Variants in TRHDE observed in about 807,000 individuals in gnomAD.
The protein encoded by TRHDE is thyrotropin releasing hormone degrading enzyme.
A neutral mutation model predicts 125.7 loss-of-function variants in TRHDE; 72 were observed. The ratio of observed to expected loss-of-function variants is 0.57; its 90% confidence interval spans 0.47 to 0.70. The LOEUF (loss-of-function observed/expected upper bound fraction) is 0.70. TRHDE is among the 30% of genes least tolerant of loss of function. The pLI is 0.00. For synonymous variants in TRHDE, 509 were observed against 509.1 expected, an observed-to-expected ratio of 1.00 and a Z score of 0.00; for missense variants, 1,110 against 1,327.1, an observed-to-expected ratio of 0.84 and a Z score of 2.54.
intron 2 of TRHDE, among the ~76,000 whole-genome samples, chr12:72,216,955 T>G (rs1427561144): frequency 1.6e-5 from 2 of 128,326 alleles, no homozygotes; most frequent in African/African-American, 6.0e-5. Flanking sequence ...GAATGGATTT[T>G]AAGGTAATGC....
chr12:72,411,628 A>C (rs1276906988), intron 3 of TRHDE, among the ~76,000 whole-genome samples: 2 of 152,162 alleles, frequency 1.3e-5, no homozygotes, highest in Non-Finnish European at 2.9e-5. Flanking sequence ...TCTTTTGTTC[A>C]ATTCAACAAG....
rs1875227018 is a variant in TRHDE, at chr12:72,670,743, A to T, written c.*7548A>T. 1 of 151,776 alleles carries T rather than the reference A, an allele frequency of 6.6e-6. No individual in the cohort carries two copies. The highest frequency in any genetic ancestry group is 6.6e-5 in the Admixed American group (1 of 15,182). The allele number at this position is 151,776 out of a possible 1,614,324, so 9.4% of individuals were successfully genotyped here. A position where few individuals can be genotyped will look rare whatever the true frequency, so the allele number is the denominator to read the frequency against. On this transcript the variant is annotated 3_prime_UTR_variant, in exon 19 of 19. Transcript: ENST00000261180. The stretch of plus-strand genomic sequence containing the variant: ...TTTCTAATTATATGCCTTTAGAATA[A>T]ATGAAATGATCTGCACTTTGGTAAA...
chr12:72,485,323 G>A (rs1877351852), intron 5 of TRHDE, among the ~76,000 whole-genome samples: 2 of 152,140 alleles, frequency 1.3e-5, no homozygotes, highest in African/African-American at 4.8e-5. Context: ...AGACTTTGCT[G>A]CCCCTGCAAT....
chr12:72,346,357 C>T (rs1249563433), intron 2 of TRHDE, among the ~76,000 whole-genome samples: 3 of 152,012 alleles, frequency 2.0e-5, no homozygotes, highest in Admixed American at 6.6e-5. Flanking sequence ...TGCAAGCTGT[C>T]CCTCACAAAA....
chr12:72,126,121 A>C (rs1875707454), intron 2 of TRHDE, among the ~76,000 whole-genome samples: 1 of 152,202 alleles, frequency 6.6e-6, no homozygotes, highest in Non-Finnish European at 1.5e-5. Context: ...GCATAGCCGC[A>C]CACACAAAAA....
intron 2 of TRHDE, among the ~76,000 whole-genome samples, chr12:72,228,265 T>C (rs1025783580): frequency 6.6e-6 from 1 of 152,200 alleles, no homozygotes; most frequent in African/African-American, 2.4e-5. Flanking sequence ...GAAATCTAGG[T>C]GGAGGTTCCC....
At chr12:72,462,869 A>G (rs1371739152) in intron 3 of TRHDE, among the ~76,000 whole-genome samples, 2 of 152,146 alleles carry the variant, frequency 1.3e-5, no homozygotes, top group African/African-American at 4.8e-5. Context: ...AACCTGGAAC[A>G]TGAGCTTGGA....
At position 72,273,761 on chromosome 12, in the gene TRHDE, C is replaced by G. The variant is rs894682708; in HGVS notation, c.914+204C>G. 3 of 560,862 alleles carry G rather than the reference C, an allele frequency of 5.3e-6. No individual in the cohort carries two copies. Among genetic ancestry groups the G allele is most frequent in the Non-Finnish European group, 9.5e-6 (3 of 315,366 alleles). 34.7% of individuals were successfully genotyped at this position (560,862 alleles called of 1,614,324 possible). A position where few individuals can be genotyped will look rare whatever the true frequency, so the allele number is the denominator to read the frequency against. ...GTCTCGCTGCCGCCAACTTCGCAAACTGACTCACCGGTGCCAAAAGATGAA... is the reference window on the plus strand; with the variant it reads ...GTCTCGCTGCCGCCAACTTCGCAAAGTGACTCACCGGTGCCAAAAGATGAA... On this transcript the variant is annotated intron_variant, in intron 1 of 18. Coordinates refer to ENST00000261180, the MANE Select transcript of TRHDE (RefSeq NM_013381.3). This position sits in a 1 kb window ranked among gnomAD's most constrained non-coding sequence, Gnocchi z 5.3.
intron 12 of TRHDE, among the ~76,000 whole-genome samples, chr12:72,585,498 T>C (rs939189485): frequency 2.0e-5 from 3 of 152,256 alleles, no homozygotes; most frequent in Admixed American, 2.0e-4. Flanking sequence ...ACCATATTCA[T>C]TGATCTTCTG....
chr12:72,154,858 G>C (rs1270324722), intron 2 of TRHDE, among the ~76,000 whole-genome samples: 4 of 152,242 alleles, frequency 2.6e-5, no homozygotes, highest in East Asian at 3.9e-4. Context: ...TGGTGAATCT[G>C]ACAATTATGT....
At chr12:72,257,227 A>G (rs1412108378) in intron 2 of TRHDE, 3 of 152,196 alleles carry the variant, frequency 2.0e-5, no homozygotes, top group Non-Finnish European at 4.4e-5. Context: ...AACTATTTCA[A>G]TGCCAACATG....
At chr12:72,172,644 C>T (rs1876898386) in intron 2 of TRHDE, among the ~76,000 whole-genome samples, 1 of 152,108 alleles carries the variant, frequency 6.6e-6, no homozygotes, top group Non-Finnish European at 1.5e-5. Flanking sequence ...GTTTCAAGTA[C>T]AGGAGATGAA....
chr12:72,166,362 T>C (rs1445970361), intron 2 of TRHDE, among the ~76,000 whole-genome samples: 1 of 152,028 alleles, frequency 6.6e-6, no homozygotes, highest in Non-Finnish European at 1.5e-5. Flanking sequence ...TATACACACA[T>C]ATATATACAC....
At chr12:72,287,040 T>C in intron 2 of TRHDE, 86 bp downstream of exon 2, 2 of 1,395,988 alleles carry the variant, frequency 1.4e-6, no homozygotes, top group East Asian at 2.3e-5. Flanking sequence ...GAGTCATTTC[T>C]AACCTTTTTA....
At chr12:72,311,414 GTC>G (rs1868537180) in intron 2 of TRHDE, among the ~76,000 whole-genome samples, 2 of 152,146 alleles carry the variant, frequency 1.3e-5, no homozygotes, top group South Asian at 4.1e-4. Flanking sequence ...TTGCTAATGA[GTC>G]TACAGATGCA....
chr12:72,157,545 G>T (rs1030297867), intron 2 of TRHDE, among the ~76,000 whole-genome samples: 3 of 152,170 alleles, frequency 2.0e-5, no homozygotes, highest in Admixed American at 6.5e-5. Flanking sequence ...GAGCTAATAG[G>T]ATTTGCTGAT....
intron 2 of TRHDE, among the ~76,000 whole-genome samples, chr12:72,295,917 T>C (rs1388702632): frequency 1.3e-5 from 2 of 152,200 alleles, no homozygotes; most frequent in East Asian, 1.9e-4. Flanking sequence ...AGAGTTGGAT[T>C]ACAATCTATT....
Position 72,287,411 on chromosome 12 carries a change from A to C in TRHDE, c.1188+457A>C, listed in dbSNP as rs551180369. The stretch of plus-strand genomic sequence containing the variant: ...TAAACATTTTACCATCTTCAGTCTA[A>C]TGTTATTGCTGAGAAAGTAAAACAT... On this transcript the variant is annotated intron_variant, in intron 2 of 18. Coordinates refer to ENST00000261180, the MANE Select transcript of TRHDE (RefSeq NM_013381.3). 1.4e-4 allele frequency among the ~76,000 whole-genome samples: 22 copies of C among 152,278 alleles called. No homozygotes were observed. In the South Asian group the frequency reaches 4.6e-3, roughly 32 times the overall value.
In TRHDE at chr12:72,618,882, T is replaced by A. The variant is rs1345268233; in HGVS notation, c.2322-9T>A. 11 of 1,463,754 alleles carry A rather than the reference T, an allele frequency of 7.5e-6. No individual in the cohort carries two copies. Among genetic ancestry groups the A allele is most frequent in the South Asian group, 5.7e-5 (4 of 70,260 alleles). 90.7% of individuals were successfully genotyped at this position (1,463,754 alleles called of 1,614,324 possible). ...ATCATCATGTATCTTTTTTTTTTTTTAACTGTAGGGCTGGCTATTTGCCTC... is the reference window on the plus strand; with the variant it reads ...ATCATCATGTATCTTTTTTTTTTTTAAACTGTAGGGCTGGCTATTTGCCTC... On this transcript the variant is annotated splice_polypyrimidine_tract_variant and intron_variant, in intron 12 of 18. Coordinates refer to ENST00000261180, the MANE Select transcript of TRHDE (RefSeq NM_013381.3).
Sources: gnomAD v4.1 joint callset for allele counts (sites outside exome capture counted in the v4.1 genomes callset) on GRCh38, gnomAD v4.1.1 for gene constraint, Gnocchi (gnomAD v3.1) non-coding constraint, MANE v1.5 for transcripts, NCBI Gene and HGNC (gene_info 2026-07-23, HGNC 2026-07-21) for gene names.